Variants in RRAGB observed in about 807,000 individuals in gnomAD.
RRAGB encodes the protein ras-related GTP-binding protein B.
A neutral mutation model predicts 29.3 loss-of-function variants in RRAGB; 6 were observed. The ratio of observed to expected loss-of-function variants is 0.21; its 90% confidence interval spans 0.11 to 0.40. RRAGB has a LOEUF of 0.40. Among genes scored for constraint, RRAGB ranks in the 10% least tolerant of loss-of-function variants. The pLI is 1.00. For missense variants in RRAGB, 184 were observed against 272.9 expected, an observed-to-expected ratio of 0.67 and a Z score of 2.29; for synonymous variants, 101 against 92.5, an observed-to-expected ratio of 1.09 and a Z score of -0.53.
intron 6 of RRAGB, chrX:55,752,432 T>A: frequency 1.5e-6 from 1 of 652,025 alleles, no homozygotes; most frequent in Non-Finnish European, 1.8e-6. Context: ...AACACCGACC[T>A]GGGAACTTGG....
intron 2 of RRAGB, 41 bp downstream of exon 2, chrX:55,719,388 TAAG>T: frequency 9.5e-7 from 1 of 1,050,687 alleles, no homozygotes; most frequent in Non-Finnish European, 1.3e-6. Context: ...AAGGTAAAGG[TAAG>T]AAGTTGATAT....
At chrX:55,744,407 A>G (rs1291085506) in intron 5 of RRAGB, among the ~76,000 whole-genome samples, 5 of 104,398 alleles carry the variant, frequency 4.8e-5, no homozygotes, top group African/African-American at 1.7e-4. Flanking sequence ...AAAAAAAAGT[A>G]GTATAGCAGG....
intron 5 of RRAGB, among the ~76,000 whole-genome samples, chrX:55,746,024 A>G (rs1470859373): frequency 9.0e-6 from 1 of 111,162 alleles, no homozygotes; most frequent in Non-Finnish European, 1.9e-5. Context: ...TGTAACGCAC[A>G]GTCACCCTGC....
intron 5 of RRAGB, among the ~76,000 whole-genome samples, chrX:55,743,841 C>A (rs1254757727): frequency 1.8e-5 from 2 of 111,869 alleles, no homozygotes; most frequent in East Asian, 5.6e-4. Flanking sequence ...GTAAAGTGAA[C>A]AACCAGGTGG....
chrX:55,747,027 C>T (rs932260323), intron 5 of RRAGB, among the ~76,000 whole-genome samples: 2 of 112,220 alleles, frequency 1.8e-5, no homozygotes, highest in Admixed American at 9.4e-5. Context: ...TCATACTTCA[C>T]ACGTCACCTT....
rs1489315273 is a variant in RRAGB, at chrX:55,747,836, TCTCCCTCTCCCC to T, written c.517-3264_517-3253del. Among the ~76,000 whole-genome samples, 88 of 76,469 alleles carry T rather than the reference TCTCCCTCTCCCC, an allele frequency of 1.2e-3. 1 individual carries two copies. The highest frequency in any genetic ancestry group is 8.5e-3 in the Middle Eastern group (1 of 118). 66.4% of individuals were successfully genotyped at this position (76,469 alleles called of 115,157 possible). Reference sequence around the variant, plus strand: ...CGCTCCCTCTCCCTCTCCCTCTCCCTCTCCCTCTCCCCACGGTCTCCCTCTCCCTCTTTCCAC... The same window carrying T: ...CGCTCCCTCTCCCTCTCCCTCTCCCTACGGTCTCCCTCTCCCTCTTTCCAC... On this transcript the variant is annotated intron_variant, in intron 5 of 9. Coordinates refer to ENST00000374941, the MANE Select transcript of RRAGB (RefSeq NM_006064.5).
At chrX:55,758,156 G>T in intron 9 of RRAGB, 90 bp from the exon 10 acceptor site, 1 of 510,504 alleles carries the variant, frequency 2.0e-6, no homozygotes, top group Non-Finnish European at 3.3e-6. Flanking sequence ...TGAGGGATTT[G>T]GCTCTCTTTT....
At chrX:55,756,462 A>G (rs1475627017) in intron 8 of RRAGB, among the ~76,000 whole-genome samples, 1 of 112,011 alleles carries the variant, frequency 8.9e-6, no homozygotes, top group Non-Finnish European at 1.9e-5. Flanking sequence ...CAAAGATTTA[A>G]TAATCAAAAT....
chrX:55,755,978 A>G (rs751700817), intron 8 of RRAGB, 46 bp downstream of exon 8: 16 of 930,798 alleles, frequency 1.7e-5, no homozygotes, highest in Non-Finnish European at 1.8e-5. Flanking sequence ...TGAAAAAATT[A>G]TTGTCATTTT....
intron 5 of RRAGB, among the ~76,000 whole-genome samples, chrX:55,739,122 C>CT (rs1300281434): frequency 2.7e-5 from 3 of 113,062 alleles, no homozygotes; most frequent in African/African-American, 6.4e-5. Flanking sequence ...CAGCAGCTAG[C>CT]TGGATCCCAG....
chrX:55,747,662 A>G (rs1177775360), intron 5 of RRAGB, among the ~76,000 whole-genome samples: 2 of 111,564 alleles, frequency 1.8e-5, no homozygotes, highest in African/African-American at 6.5e-5. Flanking sequence ...CAGTGGTGGT[A>G]TTTTGTGTAT....
At chrX:55,724,057 A>G (rs1569235235) in intron 3 of RRAGB, among the ~76,000 whole-genome samples, 2 of 112,276 alleles carry the variant, frequency 1.8e-5, no homozygotes, top group Non-Finnish European at 3.8e-5. Flanking sequence ...AGGACATTAC[A>G]TTGCTGTTAG....
At chrX:55,752,438 C>T in intron 6 of RRAGB, 1 of 610,984 alleles carries the variant, frequency 1.6e-6, no homozygotes, top group Non-Finnish European at 2.0e-6. Flanking sequence ...GACCTGGGAA[C>T]TTGGAACCTG....
At chrX:55,748,977 C>T (rs754847413) in intron 5 of RRAGB, among the ~76,000 whole-genome samples, 7 of 94,258 alleles carry the variant, frequency 7.4e-5, no homozygotes, top group African/African-American at 2.8e-4. Context: ...TCAGCCCCCC[C>T]GCCCGGCCGG....
chrX:55,740,156 A>G (rs747908595), intron 5 of RRAGB, among the ~76,000 whole-genome samples: 87 of 111,215 alleles, frequency 7.8e-4, no homozygotes, highest in African/African-American at 2.8e-3. Flanking sequence ...CCCCGTCTCT[A>G]CTAAAAAATA....
rs181916030 is a variant in RRAGB at position 55,733,706 on chromosome X, A to G, written c.516+2120A>G. On this transcript the variant is annotated intron_variant, in intron 5 of 9. Coordinates refer to ENST00000374941, the MANE Select transcript of RRAGB (RefSeq NM_006064.5). Reference sequence around the variant, plus strand: ...GATGTGCTGGTAGATTAGGTTTGCTAATATTTAGTTGAAGATTTTTGCATT... The same window carrying G: ...GATGTGCTGGTAGATTAGGTTTGCTGATATTTAGTTGAAGATTTTTGCATT... 8.0e-5 allele frequency among the ~76,000 whole-genome samples: 9 copies of G among 112,234 alleles called. No individual in the cohort carries two copies. The East Asian group carries it at 2.5e-3, about 31-fold the overall frequency.
intron 3 of RRAGB, among the ~76,000 whole-genome samples, chrX:55,725,296 T>C (rs1214614594): frequency 8.9e-6 from 1 of 112,210 alleles, no homozygotes; most frequent in African/African-American, 3.2e-5. Flanking sequence ...TTGTTAGTAA[T>C]CACTGTATCT....
At chrX:55,727,154 T>A (rs898001314) in intron 3 of RRAGB, among the ~76,000 whole-genome samples, 2 of 111,726 alleles carry the variant, frequency 1.8e-5, no homozygotes, top group African/African-American at 3.3e-5. Flanking sequence ...TATGGGGCCA[T>A]TGGTCACTTG....
chrX:55,718,077 A>G lies in RRAGB; in HGVS notation c.-251A>G. 1 of 269,181 alleles carries G rather than the reference A, an allele frequency of 3.7e-6. No homozygotes were observed. Among genetic ancestry groups the G allele is most frequent in the Non-Finnish European group, 6.6e-6 (1 of 151,441 alleles). 22.2% of individuals were successfully genotyped at this position (269,181 alleles called of 1,213,427 possible). Reference sequence around the variant, plus strand: ...TGTCATTCTCCAACTCTTACTTTGTACCACGGAATCACTTGGCCTTAAAGC... The same window carrying G: ...TGTCATTCTCCAACTCTTACTTTGTGCCACGGAATCACTTGGCCTTAAAGC... On this transcript the variant is annotated 5_prime_UTR_variant, in exon 1 of 10. Coordinates refer to ENST00000374941, the MANE Select transcript of RRAGB (RefSeq NM_006064.5).
Sources: allele counts gnomAD v4.1 joint callset (sites outside exome capture counted in the v4.1 genomes callset), GRCh38; gene constraint gnomAD v4.1.1; transcripts MANE v1.5; gene names NCBI Gene and HGNC (gene_info 2026-07-23, HGNC 2026-07-21).